The following SVEP1 variants were observed in gnomAD, a reference collection of about 807,000 sequenced individuals.
SVEP1 encodes the protein sushi, von Willebrand factor type A, EGF and pentraxin domain-containing protein 1.
Under a neutral mutation model 367.3 loss-of-function variants are expected in SVEP1, and 164 were observed. The ratio of observed to expected loss-of-function variants is 0.45; its 90% CI spans 0.39 to 0.51. The LOEUF is 0.51. Ranked by LOEUF, SVEP1 falls within the 20% of genes least tolerant of loss-of-function variation. The pLI is 0.00. For missense variants in SVEP1, 4,117 were observed against 4,425.3 expected (o/e 0.93, Z 1.98); for synonymous variants, 1,666 against 1,611.6 (o/e 1.03, Z -0.81).
intron 5 of SVEP1, among the ~76,000 whole-genome samples, chr9:110,511,002 G>A (rs1178137213): frequency 1.3e-5 from 2 of 152,002 alleles, no homozygotes; most frequent in African/African-American, 2.4e-5. Context: ...CAGAATCCTG[G>A]CAACACAGTC....
intron 1 of SVEP1, among the ~76,000 whole-genome samples, chr9:110,575,884 T>C (rs1285339261): frequency 6.6e-6 from 1 of 152,148 alleles, no homozygotes; most frequent in African/African-American, 2.4e-5. Flanking sequence ...AACATGTTTT[T>C]AAAATATTCA....
intron 8 of SVEP1, among the ~76,000 whole-genome samples, chr9:110,492,601 G>C (rs1226175440): frequency 6.6e-6 from 1 of 151,744 alleles, no homozygotes; most frequent in African/African-American, 2.4e-5. Context: ...GCAGTGGCTG[G>C]ATATATATAT....
At chr9:110,578,071 C>A (rs7027133) in intron 1 of SVEP1, among the ~76,000 whole-genome samples, 8,973 of 152,172 alleles carry the variant, frequency 0.059, 907 homozygotes, top group African/African-American at 0.2. Context: ...ATGTTCATAA[C>A]CTTTAGTTCA....
At chr9:110,512,817 G>T in intron 5 of SVEP1, 109 bp downstream of exon 5, 2 of 1,265,006 alleles carry the variant, frequency 1.6e-6, no homozygotes, top group Non-Finnish European at 2.3e-6. Flanking sequence ...TGTAGTATGG[G>T]GTCTATGAAA....
chr9:110,366,721 T>C (rs1426252568), intron 47 of SVEP1, among the ~76,000 whole-genome samples, 161 bp from the exon 48 acceptor site: 2 of 152,192 alleles, frequency 1.3e-5, no homozygotes, highest in Non-Finnish European at 2.9e-5. Flanking sequence ...TTGAGATAAC[T>C]AAGAGGCATG....
chr9:110,472,227 T>C lies in SVEP1; in HGVS notation c.2696A>G (p.Lys899Arg), dbSNP rs10817025. The C allele has an allele frequency of 0.28, 448,603 of 1,612,492 alleles. 65,268 individuals are homozygous for C. Among genetic ancestry groups the C allele is most frequent in the Non-Finnish European group, 0.3 (353,677 of 1,179,176 alleles). Residue 899 changes from lysine (K) to arginine (R), a missense_variant, in exon 15 of 48, where the codon AAG (lysine) becomes AGG (arginine). Lys to Arg is a conservative substitution (Grantham distance 26, BLOSUM62 2). Around this residue, in one of 4 missense-constraint regions of SVEP1, gnomAD observed 2,174 missense variants for 2,494.3 expected, o/e 0.87. Transcript: ENST00000374469. ...QETATSIGNA[K>R]SSRIKRSAPL... ...GGCACTTCTTTTAATCCGTGAGGAC[T>C]TGGCATTGCCGATGCTTGTGGCTGT...
chr9:110,463,749 G>A (rs1417315796), intron 18 of SVEP1, among the ~76,000 whole-genome samples: 2 of 151,970 alleles, frequency 1.3e-5, no homozygotes, highest in African/African-American at 4.8e-5. Context: ...AAGCAAGCAA[G>A]AGAAAGTGAG....
At chr9:110,428,913 T>G (rs1828303421) in intron 35 of SVEP1, among the ~76,000 whole-genome samples, 1 of 151,954 alleles carries the variant, frequency 6.6e-6, no homozygotes, top group Non-Finnish European at 1.5e-5. Flanking sequence ...CTGTACAAAA[T>G]ACAAAAATTA....
Position 110,450,239 on chromosome 9 carries a change from A to T in SVEP1, c.3923T>A (p.Val1308Asp). ...GFVGLHCETE[V>D]NECQSNPCLN... ...GCATGGGTTTGACTGGCATTCATTG[A>T]CTTCTGTTTCACAATGCAGGCCTGA... Residue 1308 changes from valine (V) to aspartate (D), a missense_variant, in exon 24 of 48, where the codon GTC becomes GAC. By Grantham distance (152) the Val-to-Asp change is radical (BLOSUM62 -3). This residue lies in a region of SVEP1 where 2,174 missense variants were observed against 2,494.3 expected (regional missense o/e 0.87). Transcript: ENST00000374469. 2 of 1,613,766 alleles carry T rather than the reference A, an allele frequency of 1.2e-6. No individual in the cohort carries two copies. Among genetic ancestry groups the T allele is most frequent in the Non-Finnish European group, 1.7e-6 (2 of 1,179,800 alleles).
intron 5 of SVEP1, among the ~76,000 whole-genome samples, chr9:110,505,717 T>A (rs1588084693): frequency 6.6e-6 from 1 of 152,052 alleles, no homozygotes; most frequent in Non-Finnish European, 1.5e-5. Flanking sequence ...TCTCTTTCTC[T>A]CACACACACA....
In SVEP1 at chr9:110,407,202, C is replaced by T; in HGVS notation, c.8398G>A (p.Glu2800Lys). The T allele has an allele frequency of 1.9e-6, 3 of 1,613,992 alleles. No individual in the cohort carries two copies. Among genetic ancestry groups the T allele is most frequent in the African/African-American group, 1.3e-5 (1 of 75,040 alleles). ...NYTYLSTLYY[E>K]CDPGYVLNGT... Reference sequence around the variant, plus strand: ...TTCAGCACATATCCGGGGTCACACTCATAGTACAACGTGCTCAGGTATGTG... The same window carrying T: ...TTCAGCACATATCCGGGGTCACACTTATAGTACAACGTGCTCAGGTATGTG... The change falls in exon 38 of 48, where the codon GAG (glutamate) becomes AAG (lysine). Residue 2800 changes from glutamate (E) to lysine (K), a missense_variant. By Grantham distance (56) the Glu-to-Lys change is moderately conservative (BLOSUM62 1). Transcript: ENST00000374469.
At chr9:110,427,131 C>T (rs2118541830) in intron 36 of SVEP1, among the ~76,000 whole-genome samples, 1 of 151,874 alleles carries the variant, frequency 6.6e-6, no homozygotes, top group African/African-American at 2.4e-5. Context: ...AACCCTGTCT[C>T]TACTAAAAAT....
chr9:110,416,937 T>C (rs1828130194), intron 36 of SVEP1, among the ~76,000 whole-genome samples: 1 of 152,074 alleles, frequency 6.6e-6, no homozygotes, highest in Admixed American at 6.5e-5. Context: ...TTCCCCCCAG[T>C]TGTGACAACC....
chr9:110,563,096 A>G (rs1422090460), intron 1 of SVEP1, among the ~76,000 whole-genome samples: 1 of 152,216 alleles, frequency 6.6e-6, no homozygotes, highest in African/African-American at 2.4e-5. Flanking sequence ...AAAAATTTAT[A>G]TACAAGAATA....
At chr9:110,468,867 T>C (rs1330979443) in intron 17 of SVEP1, 73 bp downstream of exon 17, 2 of 1,425,084 alleles carry the variant, frequency 1.4e-6, no homozygotes, top group African/African-American at 2.9e-5. Context: ...GTGAAGAAAA[T>C]AAATCTTTCT....
chr9:110,398,629 C>A (rs1827807276), intron 40 of SVEP1, among the ~76,000 whole-genome samples: 1 of 152,078 alleles, frequency 6.6e-6, no homozygotes, highest in Non-Finnish European at 1.5e-5. Context: ...CTACAATGAA[C>A]ACAAACAAAT....
At chr9:110,492,765 G>T (rs780837420) in intron 8 of SVEP1, among the ~76,000 whole-genome samples, 1 of 152,118 alleles carries the variant, frequency 6.6e-6, no homozygotes, top group Non-Finnish European at 1.5e-5. Flanking sequence ...TTGGCAGGGG[G>T]AAGGGGGTGC....
intron 1 of SVEP1, among the ~76,000 whole-genome samples, chr9:110,550,663 C>G (rs1177698809): frequency 6.6e-6 from 1 of 151,960 alleles, no homozygotes; most frequent in Non-Finnish European, 1.5e-5. Flanking sequence ...ACTTGCTCCT[C>G]CAAAAAATGT....
chr9:110,552,583 C>T (rs1378345071), intron 1 of SVEP1, among the ~76,000 whole-genome samples: 2 of 152,108 alleles, frequency 1.3e-5, no homozygotes, highest in African/African-American at 4.8e-5. Flanking sequence ...ATGGTCCCAT[C>T]TGGGAGTGAT....
Sources: allele counts gnomAD v4.1 joint callset (sites outside exome capture counted in the v4.1 genomes callset), GRCh38; gene constraint gnomAD v4.1.1; regional missense constraint gnomAD v4.1.1; transcripts MANE v1.5; gene names NCBI Gene and HGNC (gene_info 2026-07-23, HGNC 2026-07-21).